The following ADAM22 variants were observed in gnomAD, a reference collection of about 807,000 sequenced individuals.
ADAM22 encodes the protein disintegrin and metalloproteinase domain-containing protein 22.
In ADAM22, 65 loss-of-function variants were observed where a neutral mutation model predicts 144.6. That is an observed-to-expected ratio of 0.45 (90% confidence interval 0.37 to 0.55). The LOEUF is 0.55. Ranked by LOEUF, ADAM22 falls within the 20% of genes least tolerant of loss-of-function variation. The pLI, the probability that ADAM22 is intolerant of heterozygous loss-of-function variation, is 0.00. For synonymous variants in ADAM22, 391 were observed against 412.6 expected, an observed-to-expected ratio of 0.95 and a Z score of 0.63; for missense variants, 974 against 1,184.9, an observed-to-expected ratio of 0.82 and a Z score of 2.61.
chr7:87,948,779 GC>G (rs1008859013), intron 2 of ADAM22, among the ~76,000 whole-genome samples: 6 of 152,152 alleles, frequency 3.9e-5, no homozygotes, highest in Non-Finnish European at 7.4e-5. Flanking sequence ...GGGGATTGGG[GC>G]GCCGATAACT....
intron 5 of ADAM22, among the ~76,000 whole-genome samples, chr7:88,113,662 G>GTA (rs56827611): frequency 0.011 from 1,188 of 106,892 alleles, 85 homozygotes; most frequent in African/African-American, 0.044. Flanking sequence ...ATGTGTGTGT[G>GTA]TATATATATA....
chr7:88,170,782 T>C (rs1185428192), intron 25 of ADAM22, among the ~76,000 whole-genome samples: 1 of 151,948 alleles, frequency 6.6e-6, no homozygotes, highest in African/African-American at 2.4e-5. Context: ...CTCCAAAATA[T>C]TAACACTTAA....
chr7:88,046,148 T>C lies in ADAM22; in HGVS notation c.324-29478T>C, dbSNP rs187502307. ...TTCTTGGAGAAACCTCCAGATTGTT[T>C]TTCCTAATGGCTGTACTAATTTATA... is the stretch of plus-strand genomic sequence containing the variant. On this transcript the variant is annotated intron_variant, in intron 3 of 31. Coordinates refer to ENST00000413139, the MANE Select transcript of ADAM22 (RefSeq NM_001324418.2). Among the ~76,000 whole-genome samples, 8 of 152,302 alleles carry C rather than the reference T, an allele frequency of 5.3e-5. No homozygotes were observed. In the East Asian group the frequency reaches 1.5e-3, roughly 29 times the overall value.
intron 3 of ADAM22, among the ~76,000 whole-genome samples, chr7:87,994,311 C>T (rs1266445785): frequency 1.3e-5 from 2 of 152,148 alleles, no homozygotes; most frequent in Non-Finnish European, 2.9e-5. Context: ...CAGGCGCCCG[C>T]CACCACGCCC....
rs538015098 is a variant in ADAM22, at chr7:88,117,029, A to T, written c.607+215A>T. 1.1e-4 allele frequency among the ~76,000 whole-genome samples: 17 copies of T among 152,350 alleles called. 1 individual carries two copies. In the South Asian group the frequency reaches 2.9e-3, roughly 26 times the overall value. ...GTGGAGGAAAACTTTAAAAAATTTTAAAATTAAAAATAAGGCACTAAAGGA... is the reference window on the plus strand; with the variant it reads ...GTGGAGGAAAACTTTAAAAAATTTTTAAATTAAAAATAAGGCACTAAAGGA... On this transcript the variant is annotated intron_variant, in intron 7 of 31. Coordinates refer to ENST00000413139, the MANE Select transcript of ADAM22 (RefSeq NM_001324418.2).
chr7:88,087,277 A>T (rs1417728402), intron 4 of ADAM22, among the ~76,000 whole-genome samples: 1 of 152,192 alleles, frequency 6.6e-6, no homozygotes, highest in East Asian at 1.9e-4. Flanking sequence ...GGTATCTAAC[A>T]ATTTCTCCTT....
At chr7:88,175,303 G>T (rs1268871696) in intron 26 of ADAM22, among the ~76,000 whole-genome samples, 6 of 152,086 alleles carry the variant, frequency 3.9e-5, no homozygotes, top group Admixed American at 3.9e-4. Flanking sequence ...GAATAAGCAA[G>T]CAATAAGCAT....
intron 20 of ADAM22, 101 bp from the exon 21 acceptor site, chr7:88,153,120 A>G (rs1838937520): frequency 1.4e-6 from 1 of 694,570 alleles, no homozygotes; most frequent in Non-Finnish European, 2.5e-6. Flanking sequence ...ATAACACTGT[A>G]GTGATGAAGA....
intron 3 of ADAM22, among the ~76,000 whole-genome samples, chr7:88,013,056 G>T (rs1458777205): frequency 6.6e-6 from 1 of 152,152 alleles, no homozygotes; most frequent in Non-Finnish European, 1.5e-5. Context: ...CAAAAGTATG[G>T]GAACGCCCCC....
At chr7:88,121,094 T>G (rs1829172987) in intron 7 of ADAM22, among the ~76,000 whole-genome samples, 1 of 152,206 alleles carries the variant, frequency 6.6e-6, no homozygotes, top group South Asian at 2.1e-4. Flanking sequence ...GTCTATTTCT[T>G]GACTCTTATT....
chr7:88,156,801 G>A (rs909593313), intron 22 of ADAM22, among the ~76,000 whole-genome samples: 1 of 151,978 alleles, frequency 6.6e-6, no homozygotes, highest in Non-Finnish European at 1.5e-5. Flanking sequence ...TTTATATAAG[G>A]GTTGTAGGGA....
At chr7:88,030,451 T>C (rs1799975243) in intron 3 of ADAM22, among the ~76,000 whole-genome samples, 1 of 152,114 alleles carries the variant, frequency 6.6e-6, no homozygotes, top group Non-Finnish European at 1.5e-5. Flanking sequence ...AAGTCACATA[T>C]CTCTCTCTGG....
At chr7:88,077,418 G>A (rs1471745952) in intron 4 of ADAM22, among the ~76,000 whole-genome samples, 23 of 152,314 alleles carry the variant, frequency 1.5e-4, no homozygotes, top group South Asian at 2.1e-4. Flanking sequence ...CAGCGTGAGC[G>A]ATGCAGAAGA....
rs546362141 is a variant in ADAM22, at chr7:87,934,351, G to A, written c.-115G>A. The A allele has an allele frequency of 1.9e-3, 1,795 of 950,426 alleles. 25 individuals are homozygous for A. Among genetic ancestry groups the A allele is most frequent in the South Asian group, 0.014 (867 of 61,198 alleles). 58.9% of individuals were successfully genotyped at this position (950,426 alleles called of 1,614,324 possible). On this transcript the variant is annotated 5_prime_UTR_variant, in exon 1 of 32. Transcript: ENST00000413139. The stretch of plus-strand genomic sequence containing the variant: ...GCCACGGCCGCCGCAGCACCGGCCG[G>A]GGCTGGGTGGAGGTGGCCGCGGGGA...
intron 4 of ADAM22, among the ~76,000 whole-genome samples, chr7:88,087,932 G>A (rs1818844729): frequency 6.6e-6 from 1 of 152,130 alleles, no homozygotes; most frequent in African/African-American, 2.4e-5. Flanking sequence ...AAGAATCACT[G>A]CATCAAAATC....
intron 22 of ADAM22, among the ~76,000 whole-genome samples, chr7:88,158,884 C>G (rs1030653980): frequency 2.0e-5 from 3 of 151,904 alleles, no homozygotes; most frequent in African/African-American, 7.3e-5. Flanking sequence ...CCAAAGCTAG[C>G]AGAAGACAAG....
intron 30 of ADAM22, among the ~76,000 whole-genome samples, chr7:88,189,265 T>C (rs562948032): frequency 6.6e-6 from 1 of 152,168 alleles, no homozygotes; most frequent in Non-Finnish European, 1.5e-5. Context: ...GCAGTTCTGT[T>C]ATAAGCTCTC....
chr7:88,011,429 A>G (rs564155606), intron 3 of ADAM22, among the ~76,000 whole-genome samples: 69 of 152,006 alleles, frequency 4.5e-4, no homozygotes, highest in Middle Eastern at 6.8e-3. Context: ...AGTCCCAGCT[A>G]CTTCAGAGGC....
intron 26 of ADAM22, among the ~76,000 whole-genome samples, chr7:88,173,202 G>A (rs1383061242): frequency 6.6e-6 from 1 of 151,904 alleles, no homozygotes; most frequent in Non-Finnish European, 1.5e-5. Context: ...GAGAGATATC[G>A]TTAAGAACAT....
Sources: gnomAD v4.1 joint callset for allele counts (sites outside exome capture counted in the v4.1 genomes callset) on GRCh38, gnomAD v4.1.1 for gene constraint, MANE v1.5 for transcripts, NCBI Gene and HGNC (gene_info 2026-07-23, HGNC 2026-07-21) for gene names.